DCAF1: variants seen among roughly 807,000 people sequenced by gnomAD.
DCAF1 encodes DDB1- and CUL4-associated factor 1.
In DCAF1, 15 loss-of-function variants were observed where a neutral mutation model predicts 128.0. The ratio of observed to expected loss-of-function variants is 0.12; its 90% CI spans 0.08 to 0.18. DCAF1 has a LOEUF of 0.18. DCAF1 is among the 10% of genes least tolerant of loss of function. The pLI is 1.00. For synonymous variants in DCAF1, 610 were observed against 603.0 expected (o/e 1.01, Z -0.17); for missense variants, 988 against 1,649.5 (o/e 0.60, Z 6.95).
At chr3:51,428,628 A>G (rs1700112621) in intron 12 of DCAF1, among the ~76,000 whole-genome samples, 1 of 152,190 alleles carries the variant, frequency 6.6e-6, no homozygotes, top group Non-Finnish European at 1.5e-5. Context: ...AATGATAGTG[A>G]AGTGGAGTTA....
At chr3:51,413,823 T>A in intron 20 of DCAF1, 127 bp downstream of exon 20, 1 of 1,204,008 alleles carries the variant, frequency 8.3e-7, no homozygotes, top group Non-Finnish European at 1.1e-6. Context: ...CAATTTTTTA[T>A]CTTTTATGTT....
rs781877489 is a variant in DCAF1, at chr3:51,403,287, C to G, written c.4321G>C (p.Asp1441His). 2.5e-6 allele frequency: 4 copies of G among 1,601,712 alleles called. No homozygotes were observed. Among genetic ancestry groups the G allele is most frequent in the Non-Finnish European group, 2.6e-6 (3 of 1,174,178 alleles). ...QLLEAELEED[D>H]NNENAGEDGD... is the part of the protein sequence containing the mutation. ...TCTTCCCCTGCGTTCTCATTATTGT[C>G]GTCCTCCTCCAACTCCGCCTCCAGC... Residue 1441 changes from aspartate (D) to histidine (H), a missense_variant, in exon 24 of 25, where the codon GAC becomes CAC. Transcript: ENST00000684031.
chr3:51,444,836 C>T (rs531606652), intron 6 of DCAF1, among the ~76,000 whole-genome samples: 14 of 151,580 alleles, frequency 9.2e-5, no homozygotes, highest in South Asian at 6.2e-4. Context: ...CCACCACGCC[C>T]GGCTAATTTT....
intron 1 of DCAF1, among the ~76,000 whole-genome samples, chr3:51,497,117 A>C (rs1247215316): frequency 6.6e-6 from 1 of 152,008 alleles, no homozygotes; most frequent in Non-Finnish European, 1.5e-5. Context: ...CAACGCGGCA[A>C]ATCCCCATCT....
Position 51,433,228 on chromosome 3 carries a change from T to C in DCAF1, c.1165A>G (p.Thr389Ala), listed in dbSNP as rs1700537430. 1 of 398,380 alleles carries C rather than the reference T, an allele frequency of 2.5e-6. No individual in the cohort carries two copies. Among genetic ancestry groups the C allele is most frequent in the Non-Finnish European group, 4.4e-6 (1 of 226,034 alleles). 24.7% of individuals were successfully genotyped at this position (398,380 alleles called of 1,614,324 possible). ...ACTCCACCATGCGCAACAAATTCTG[T>C]GGCAAATTTGTTATGGAGCAGGAGA... ...ASLLLHNKFATEFVAHGGVQK... is the reference protein window; with the variant it reads ...ASLLLHNKFAAEFVAHGGVQK... The change falls in exon 10 of 25, where the codon ACA becomes GCA. Residue 389 changes from threonine to alanine, a missense_variant. Coordinates refer to ENST00000684031, the MANE Select transcript of DCAF1 (RefSeq NM_001387579.1).
Position 51,401,057 on chromosome 3 carries a change from G to A in DCAF1, c.4465+2086C>T, listed in dbSNP as rs183841812. On this transcript the variant is annotated intron_variant, in intron 24 of 24. Transcript: ENST00000684031. The stretch of plus-strand genomic sequence containing the variant: ...TGAGGCAAGAGAATGGCATGAACCC[G>A]GGAGGCGGAGCTTGCAGTGAGCCAA... Among the ~76,000 whole-genome samples, 298 of 150,828 alleles carry A rather than the reference G, an allele frequency of 2.0e-3. 7 individuals are homozygous for A. In the East Asian group the frequency reaches 0.046, roughly 23 times the overall value.
downstream of DCAF1, chr3:51,397,117 T>C (rs573865104): frequency 9.6e-5 from 16 of 167,234 alleles, no homozygotes; most frequent in African/African-American, 3.6e-4. Context: ...ATTTGTCCCC[T>C]CTTCTCTCTG....
chr3:51,497,196 G>C (rs924479997), intron 1 of DCAF1, among the ~76,000 whole-genome samples: 2 of 152,176 alleles, frequency 1.3e-5, no homozygotes, highest in Non-Finnish European at 2.9e-5. Flanking sequence ...TCCAGAGGCT[G>C]AGGCATGAGA....
chr3:51,480,919 C>G (rs1210093916), intron 3 of DCAF1, among the ~76,000 whole-genome samples: 1 of 152,062 alleles, frequency 6.6e-6, no homozygotes, highest in African/African-American at 2.4e-5. Context: ...TTGGTGTCTC[C>G]TCAAATGATG....
At chr3:51,447,337 A>C (rs1553640507) in intron 6 of DCAF1, among the ~76,000 whole-genome samples, 4 of 151,556 alleles carry the variant, frequency 2.6e-5, no homozygotes, top group African/African-American at 9.7e-5. Context: ...TTGAACCTGG[A>C]AGGCAGAGGT....
At chr3:51,402,737 G>T (rs1391586853) in intron 24 of DCAF1, among the ~76,000 whole-genome samples, 1 of 151,992 alleles carries the variant, frequency 6.6e-6, no homozygotes, top group African/African-American at 2.4e-5. Flanking sequence ...ACCACGCCCA[G>T]CTAATTTTGT....
At chr3:51,440,798 C>A (rs954703211) in intron 9 of DCAF1, among the ~76,000 whole-genome samples, 172 bp downstream of exon 9, 1 of 151,066 alleles carries the variant, frequency 6.6e-6, no homozygotes, top group African/African-American at 2.4e-5. Context: ...CCCAGCTACT[C>A]GGGAGGCTGA....
chr3:51,420,018 G>A lies in DCAF1; in HGVS notation c.2952C>T (p.Tyr984=). The change falls in exon 15 of 25, where the codon TAC becomes TAT. Residue 984 remains tyrosine, a synonymous_variant. Coordinates refer to ENST00000684031, the MANE Select transcript of DCAF1 (RefSeq NM_001387579.1). The surrounding 1 kb of genome is among the most constrained non-coding windows in gnomAD (Gnocchi z 6.5). ...GTTTTTTTATGGCTGGGCTTTGGCT[G>A]TAGGCACCATGGTCCGACTTCTGCC... is the stretch of plus-strand genomic sequence containing the variant. ...VLRQKSDHGA[Y]SQSPAIKKQL... is the part of the protein sequence containing the mutation. 2 of 1,614,042 alleles carry A rather than the reference G, an allele frequency of 1.2e-6. No individual in the cohort carries two copies. Among genetic ancestry groups the A allele is most frequent in the Non-Finnish European group, 1.7e-6 (2 of 1,179,906 alleles).
At chr3:51,504,036 ATTTT>A (rs559346586), upstream of DCAF1, among the ~76,000 whole-genome samples, 2 of 130,250 alleles carry the variant, frequency 1.5e-5, no homozygotes, top group Non-Finnish European at 1.6e-5. Flanking sequence ...GCCCCTGAAC[ATTTT>A]TTTTTTTTTT....
intron 23 of DCAF1, among the ~76,000 whole-genome samples, chr3:51,405,835 T>C (rs1313567980): frequency 2.0e-5 from 3 of 151,648 alleles, no homozygotes; most frequent in Non-Finnish European, 4.4e-5. Context: ...CAATAATGAG[T>C]GGTCCAAAAA....
chr3:51,487,094 C>T (rs1481856178), intron 2 of DCAF1, among the ~76,000 whole-genome samples: 2 of 151,926 alleles, frequency 1.3e-5, no homozygotes, highest in African/African-American at 2.4e-5. Flanking sequence ...ACCTCAGACT[C>T]CCAAGTAGCT....
At chr3:51,496,348 A>C (rs1379330851) in intron 2 of DCAF1, among the ~76,000 whole-genome samples, 1 of 151,870 alleles carries the variant, frequency 6.6e-6, no homozygotes, top group African/African-American at 2.4e-5. Context: ...AATCGCTTGA[A>C]CCCAGGAGAC....
chr3:51,407,825 T>C (rs1249686353), intron 23 of DCAF1, among the ~76,000 whole-genome samples: 25 of 151,672 alleles, frequency 1.6e-4, no homozygotes, highest in Admixed American at 1.6e-3. Context: ...CCATCTCTAC[T>C]AAAAATACAG....
intron 2 of DCAF1, among the ~76,000 whole-genome samples, chr3:51,492,067 G>C (rs372922149): frequency 6.7e-6 from 1 of 149,864 alleles, no homozygotes; most frequent in African/African-American, 2.5e-5. Flanking sequence ...TGAGGGAGGG[G>C]AATCGCTTGA....
Sources: gnomAD v4.1 joint callset for allele counts (sites outside exome capture counted in the v4.1 genomes callset) on GRCh38, gnomAD v4.1.1 for gene constraint, Gnocchi (gnomAD v3.1) non-coding constraint, MANE v1.5 for transcripts, NCBI Gene and HGNC (gene_info 2026-07-23, HGNC 2026-07-21) for gene names.